The following LAMA2 variants were observed in gnomAD, a reference collection of about 807,000 sequenced individuals.
The protein encoded by LAMA2 is laminin subunit alpha-2.
LAMA2 carries 269 observed loss-of-function variants against 364.8 expected under a neutral mutation model. The ratio of observed to expected loss-of-function variants is 0.74; its 90% CI spans 0.67 to 0.82. LAMA2 has a LOEUF of 0.82. Ranked by LOEUF, LAMA2 falls within the 40% of genes least tolerant of loss-of-function variation. The probability of loss-of-function intolerance (pLI) is 0.00; values close to 1 mark genes in which losing one functional copy is unlikely to be tolerated. For missense variants in LAMA2, 3,807 were observed against 3,873.2 expected (o/e 0.98, Z 0.45); for synonymous variants, 1,379 against 1,370.6 (o/e 1.01, Z -0.14).
chr6:129,328,636 C>T (rs1303511551), intron 29 of LAMA2, among the ~76,000 whole-genome samples: 4 of 152,148 alleles, frequency 2.6e-5, no homozygotes, highest in African/African-American at 9.7e-5. Flanking sequence ...ATTTTAGCAG[C>T]ATCTTAGAAG....
intron 3 of LAMA2, 21 bp from the exon 4 acceptor site, chr6:129,098,152 G>A (rs200476242): frequency 3.8e-5 from 61 of 1,608,932 alleles, no homozygotes; most frequent in Non-Finnish European, 5.0e-5. Context: ...CAATGTTATT[G>A]TTGTTGTTAT....
chr6:128,938,294 G>A (rs1779951857), intron 1 of LAMA2, among the ~76,000 whole-genome samples: 1 of 152,142 alleles, frequency 6.6e-6, no homozygotes, highest in African/African-American at 2.4e-5. Context: ...ATAGTCAGTA[G>A]AAAGTAGTTA....
intron 32 of LAMA2, among the ~76,000 whole-genome samples, chr6:129,365,698 C>T (rs1338771649): frequency 1.3e-5 from 2 of 150,610 alleles, no homozygotes; most frequent in Non-Finnish European, 3.0e-5. Context: ...TTATTCTACT[C>T]AATAGATACC....
chr6:129,090,021 A>G (rs1457292619), intron 3 of LAMA2, among the ~76,000 whole-genome samples: 1 of 152,246 alleles, frequency 6.6e-6, no homozygotes, highest in African/African-American at 2.4e-5. Context: ...AAGAAAATGC[A>G]TTAAATGTTT....
Position 129,358,296 on chromosome 6 carries a change from A to G in LAMA2, c.4717+4939A>G, listed in dbSNP as rs367867055. Among the ~76,000 whole-genome samples the G allele has an allele frequency of 2.0e-5, 3 of 151,974 alleles. No homozygotes were observed. In the South Asian group the frequency reaches 6.2e-4, roughly 31 times the overall value. ...TTAGAGATCAGTCTCAGTGGTTTGT[A>G]TATTATTGAGGAAGCTGTTCTGCTA... On this transcript the variant is annotated intron_variant, in intron 32 of 64. Transcript: ENST00000421865.
intron 8 of LAMA2, chr6:129,157,570 T>A: frequency 6.2e-7 from 1 of 1,612,964 alleles, no homozygotes; most frequent in East Asian, 2.2e-5. Flanking sequence ...AGCGTCTTCT[T>A]AATTCTCAAC....
At chr6:129,227,770 G>A (rs1784409102) in intron 12 of LAMA2, among the ~76,000 whole-genome samples, 1 of 152,168 alleles carries the variant, frequency 6.6e-6, no homozygotes. Flanking sequence ...GGCTATTCAG[G>A]GCTCAGGGAT....
At chr6:128,883,801 T>TACACACACACACACACAC (rs71543146) in intron 1 of LAMA2, among the ~76,000 whole-genome samples, 1 of 135,986 alleles carries the variant, frequency 7.4e-6, no homozygotes, top group African/African-American at 3.0e-5. Flanking sequence ...TATATATATA[T>TACACACACACACACACAC]ACACACACAC....
chr6:129,334,863 T>C (rs776929003), intron 29 of LAMA2, among the ~76,000 whole-genome samples: 3 of 152,126 alleles, frequency 2.0e-5, no homozygotes, highest in Non-Finnish European at 4.4e-5. Flanking sequence ...TCCAGCCTCA[T>C]GATGTAATCA....
chr6:129,049,209 A>G (rs573843349), intron 1 of LAMA2, among the ~76,000 whole-genome samples: 60 of 152,164 alleles, frequency 3.9e-4, no homozygotes, highest in African/African-American at 1.3e-3. Flanking sequence ...TCTCAGAGGG[A>G]ATAAAAAAAT....
intron 55 of LAMA2, among the ~76,000 whole-genome samples, chr6:129,483,035 C>T (rs1276206795): frequency 6.8e-6 from 1 of 147,530 alleles, no homozygotes; most frequent in East Asian, 2.0e-4. Flanking sequence ...CCATTGCACT[C>T]CAGCCTGCGC....
At chr6:129,511,356 A>G (rs1786557431) in intron 62 of LAMA2, among the ~76,000 whole-genome samples, 1 of 151,904 alleles carries the variant, frequency 6.6e-6, no homozygotes, top group Admixed American at 6.6e-5. Context: ...TTTATTTTGC[A>G]GAGCAATTCA....
intron 22 of LAMA2, among the ~76,000 whole-genome samples, chr6:129,309,886 G>A (rs1264556188): frequency 2.7e-5 from 4 of 149,990 alleles, no homozygotes; most frequent in African/African-American, 9.9e-5. Flanking sequence ...AAGAAATAAA[G>A]CTAATCCTGA....
intron 28 of LAMA2, among the ~76,000 whole-genome samples, chr6:129,327,792 T>G (rs1195460844): frequency 6.6e-6 from 1 of 152,234 alleles, no homozygotes; most frequent in East Asian, 1.9e-4. Context: ...GCTTTTATTA[T>G]TTTGGATTTC....
At position 129,464,709 on chromosome 6, in the gene LAMA2, G is replaced by A. The variant is rs375135557; in HGVS notation, c.7155+257G>A. ...ACATAATCCTTTAAGCAATACATCCGGTAATAATTTTTCCCAGCATGGAGC... is the reference window on the plus strand; with the variant it reads ...ACATAATCCTTTAAGCAATACATCCAGTAATAATTTTTCCCAGCATGGAGC... On this transcript the variant is annotated intron_variant, in intron 50 of 64. Coordinates refer to ENST00000421865, the MANE Select transcript of LAMA2 (RefSeq NM_000426.4). 4.6e-5 allele frequency among the ~76,000 whole-genome samples: 7 copies of A among 151,866 alleles called. No homozygotes were observed. The South Asian group carries it at 8.3e-4, about 18-fold the overall frequency.
At chr6:129,298,069 C>T (rs1448167747) in intron 21 of LAMA2, among the ~76,000 whole-genome samples, 1 of 152,282 alleles carries the variant, frequency 6.6e-6, no homozygotes, top group African/African-American at 2.4e-5. Context: ...TGCAAGTACT[C>T]AGTAAAAATC....
intron 48 of LAMA2, among the ~76,000 whole-genome samples, chr6:129,457,257 G>A (rs1056240530): frequency 3.9e-5 from 6 of 152,108 alleles, no homozygotes; most frequent in Non-Finnish European, 8.8e-5. Flanking sequence ...AGTACGAGAT[G>A]TGACTCTAAA....
chr6:128,979,823 T>C (rs1245373569), intron 1 of LAMA2, among the ~76,000 whole-genome samples: 2 of 152,230 alleles, frequency 1.3e-5, no homozygotes, highest in Admixed American at 1.3e-4. Flanking sequence ...CCCCTTTTAA[T>C]CCAGTGCTAA....
intron 11 of LAMA2, among the ~76,000 whole-genome samples, chr6:129,192,268 A>G (rs1425579537): frequency 6.6e-6 from 1 of 152,250 alleles, no homozygotes; most frequent in African/African-American, 2.4e-5. Context: ...GTTTTTTCCA[A>G]AAGCAACAAT....
Sources: allele counts gnomAD v4.1 joint callset (sites outside exome capture counted in the v4.1 genomes callset), GRCh38; gene constraint gnomAD v4.1.1; transcripts MANE v1.5; gene names NCBI Gene and HGNC (gene_info 2026-07-23, HGNC 2026-07-21).